RNGTT: variants seen among roughly 807,000 people sequenced by gnomAD.
RNGTT encodes mRNA-capping enzyme.
RNGTT carries 33 observed loss-of-function variants against 79.3 expected under a neutral mutation model. The ratio of observed to expected loss-of-function variants is 0.42; its 90% CI spans 0.32 to 0.56. The LOEUF (loss-of-function observed/expected upper bound fraction) is 0.56, where lower values mean the gene tolerates loss of function less well. RNGTT is among the 20% of genes least tolerant of loss of function. The pLI is 0.17. For missense variants in RNGTT, 497 were observed against 739.1 expected (o/e 0.67, Z 3.80); for synonymous variants, 222 against 235.9 (o/e 0.94, Z 0.54).
intron 13 of RNGTT, among the ~76,000 whole-genome samples, chr6:88,766,537 T>A (rs1397970875): frequency 6.6e-6 from 1 of 152,108 alleles, no homozygotes; most frequent in Non-Finnish European, 1.5e-5. Flanking sequence ...TAAATCAATG[T>A]TAATATATCT....
At chr6:88,717,335 G>C (rs998386732) in intron 13 of RNGTT, among the ~76,000 whole-genome samples, 2 of 152,138 alleles carry the variant, frequency 1.3e-5, no homozygotes, top group Non-Finnish European at 2.9e-5. Context: ...AACTGCTTTA[G>C]GTGTTTATTT....
At chr6:88,894,562 T>A (rs1783164806) in intron 6 of RNGTT, among the ~76,000 whole-genome samples, 1 of 152,170 alleles carries the variant, frequency 6.6e-6, no homozygotes, top group African/African-American at 2.4e-5. Context: ...ACAGCCGGCA[T>A]GCCTTGCAAG....
At chr6:88,746,644 T>C (rs575848701) in intron 13 of RNGTT, among the ~76,000 whole-genome samples, 1 of 152,276 alleles carries the variant, frequency 6.6e-6, no homozygotes, top group South Asian at 2.1e-4. Context: ...GAGAATCTAA[T>C]ACCGCCACTG....
At chr6:88,734,416 G>C (rs986248292) in intron 13 of RNGTT, among the ~76,000 whole-genome samples, 12 of 151,896 alleles carry the variant, frequency 7.9e-5, no homozygotes, top group African/African-American at 2.9e-4. Context: ...AAAATGAAAA[G>C]AACAAGTACA....
Position 88,853,711 on chromosome 6 carries a change from T to C in RNGTT, c.950A>G (p.Asn317Ser), listed in dbSNP as rs1253029428. 1.9e-6 allele frequency: 3 copies of C among 1,582,208 alleles called. No homozygotes were observed. The highest frequency in any genetic ancestry group is 1.8e-5 in the Admixed American group (1 of 56,636). Residue 317 changes from asparagine (N) to serine (S), a missense_variant, in exon 9 of 16, where the codon AAT becomes AGT. Around this residue, in one of 3 missense-constraint regions of RNGTT, gnomAD observed 440 missense variants for 671.5 expected, o/e 0.66. Coordinates refer to ENST00000369485, the MANE Select transcript of RNGTT (RefSeq NM_003800.5). The part of the protein sequence containing the change: ...TNEVFMIDRD[N>S]SVFHVSNLEF... ...CAGATTTGAAACATGAAATACTGAA[T>C]TGTCTCTATCAATCATAAAAACTTC...
chr6:88,629,214 G>A (rs958299764), intron 14 of RNGTT, among the ~76,000 whole-genome samples: 10 of 152,092 alleles, frequency 6.6e-5, no homozygotes, highest in African/African-American at 2.4e-4. Context: ...GTGCAATTCG[G>A]TTGAGTAATA....
intron 10 of RNGTT, among the ~76,000 whole-genome samples, chr6:88,848,090 TAAA>T (rs1177617048): frequency 7.1e-6 from 1 of 140,360 alleles, no homozygotes; most frequent in African/African-American, 2.6e-5. Context: ...TCCAAACAAG[TAAA>T]AAAAAAAAAT....
chr6:88,871,346 T>C (rs1471472186), intron 8 of RNGTT, among the ~76,000 whole-genome samples: 4 of 151,798 alleles, frequency 2.6e-5, no homozygotes, highest in Non-Finnish European at 4.4e-5. Flanking sequence ...ACTGAAATAA[T>C]AGCAGAGTTT....
chr6:88,868,939 TTGAAA>T, intron 8 of RNGTT, among the ~76,000 whole-genome samples: 1 of 152,266 alleles, frequency 6.6e-6, no homozygotes. Context: ...TACAAGAAAC[TTGAAA>T]TAAATTTACT....
At chr6:88,671,739 C>A (rs558781310) in intron 14 of RNGTT, among the ~76,000 whole-genome samples, 6 of 152,092 alleles carry the variant, frequency 3.9e-5, no homozygotes, top group Non-Finnish European at 8.8e-5. Context: ...ACAGCATGGT[C>A]CTGGTATAAA....
intron 13 of RNGTT, among the ~76,000 whole-genome samples, chr6:88,711,289 T>C (rs766299837): frequency 8.5e-5 from 13 of 152,202 alleles, no homozygotes; most frequent in Non-Finnish European, 1.9e-4. Flanking sequence ...TGAAGACACC[T>C]TACCAAGAAT....
In RNGTT at chr6:88,610,798, T is replaced by G. The variant is rs2127843583; in HGVS notation, c.*1921A>C. 1 of 152,346 alleles carries G rather than the reference T, an allele frequency of 6.6e-6. No individual in the cohort carries two copies. Among genetic ancestry groups the G allele is most frequent in the East Asian group, 1.9e-4 (1 of 5,192 alleles). 9.4% of individuals were successfully genotyped at this position (152,346 alleles called of 1,614,324 possible). ...AAAGGTTACAATTACCATAAACATT[T>G]TAACTCCATTAAAGATCATTGGCAA... is the stretch of plus-strand genomic sequence containing the variant. On this transcript the variant is annotated 3_prime_UTR_variant, in exon 16 of 16. Transcript: ENST00000369485.
intron 11 of RNGTT, among the ~76,000 whole-genome samples, chr6:88,822,955 C>T (rs1474143057): frequency 6.6e-6 from 1 of 152,070 alleles, no homozygotes; most frequent in Non-Finnish European, 1.5e-5. Context: ...ATAATACACC[C>T]AAACATAAAA....
chr6:88,960,112 AAT>A (rs1385111155), intron 1 of RNGTT, among the ~76,000 whole-genome samples: 1 of 152,204 alleles, frequency 6.6e-6, no homozygotes, highest in Non-Finnish European at 1.5e-5. Flanking sequence ...CATATACCAC[AAT>A]AGAGTCATTG....
intron 12 of RNGTT, among the ~76,000 whole-genome samples, chr6:88,799,349 C>A (rs540357722): frequency 1.3e-5 from 2 of 152,034 alleles, no homozygotes; most frequent in Admixed American, 6.6e-5. Context: ...GTAATGCTGG[C>A]GAACAGGGAG....
At chr6:88,738,453 T>C (rs1018292978) in intron 13 of RNGTT, among the ~76,000 whole-genome samples, 1 of 152,128 alleles carries the variant, frequency 6.6e-6, no homozygotes, top group Non-Finnish European at 1.5e-5. Flanking sequence ...ACACCAAGTC[T>C]GGCAAACATG....
At chr6:88,796,581 A>T (rs1423076838) in intron 12 of RNGTT, among the ~76,000 whole-genome samples, 1 of 152,190 alleles carries the variant, frequency 6.6e-6, no homozygotes, top group Non-Finnish European at 1.5e-5. Flanking sequence ...GTATAATATG[A>T]ACGAAGAAAT....
intron 8 of RNGTT, among the ~76,000 whole-genome samples, chr6:88,887,740 G>T (rs1280863147): frequency 6.6e-6 from 1 of 152,140 alleles, no homozygotes; most frequent in African/African-American, 2.4e-5. Context: ...TTGGATGGCA[G>T]AAACAAGAGA....
At chr6:88,622,302 T>C (rs1024193398) in intron 14 of RNGTT, among the ~76,000 whole-genome samples, 1 of 152,166 alleles carries the variant, frequency 6.6e-6, no homozygotes, top group Admixed American at 6.5e-5. Context: ...AAAAGATAGT[T>C]TTGATGGATG....
Sources: allele counts gnomAD v4.1 joint callset (sites outside exome capture counted in the v4.1 genomes callset), GRCh38; gene constraint gnomAD v4.1.1; regional missense constraint gnomAD v4.1.1; transcripts MANE v1.5; gene names NCBI Gene and HGNC (gene_info 2026-07-23, HGNC 2026-07-21).